EFR3B: variants seen among roughly 807,000 people sequenced by gnomAD.
EFR3B encodes EFR3 homolog B, also known as protein EFR3 homolog B.
A neutral mutation model predicts 104.7 loss-of-function variants in EFR3B; 64 were observed. The observed-to-expected ratio is 0.61, with a 90% CI of 0.50 to 0.75. The LOEUF (loss-of-function observed/expected upper bound fraction) is 0.75. Among genes scored for constraint, EFR3B ranks in the 30% least tolerant of loss-of-function variants. The pLI is 0.00. For synonymous variants in EFR3B, 385 were observed against 417.9 expected (o/e 0.92, Z 0.96); for missense variants, 750 against 1,078.5 (o/e 0.70, Z 4.27).
At chr2:25,105,901 C>T (rs775745894) in intron 4 of EFR3B, among the ~76,000 whole-genome samples, 1 of 152,140 alleles carries the variant, frequency 6.6e-6, no homozygotes, top group Non-Finnish European at 1.5e-5. Context: ...ATCGCATCAG[C>T]CAGAGAGCAA....
intron 1 of EFR3B, among the ~76,000 whole-genome samples, chr2:25,087,461 C>T (rs1289921837): frequency 2.0e-5 from 3 of 150,998 alleles, no homozygotes; most frequent in Admixed American, 6.6e-5. Flanking sequence ...ATTCTTTTGA[C>T]GGCGCCTTTT....
At chr2:25,068,313 T>A (rs1668392379) in intron 1 of EFR3B, among the ~76,000 whole-genome samples, 1 of 152,174 alleles carries the variant, frequency 6.6e-6, no homozygotes, top group African/African-American at 2.4e-5. Flanking sequence ...GAGCTGAAAC[T>A]TAGATTTTAT....
At chr2:25,108,449 AGT>A (rs1383660080) in intron 4 of EFR3B, among the ~76,000 whole-genome samples, 2 of 152,232 alleles carry the variant, frequency 1.3e-5, no homozygotes, top group Non-Finnish European at 2.9e-5. Flanking sequence ...ATATTAGCCT[AGT>A]GTATACAAAC....
rs1038355700 is a variant in EFR3B, at chr2:25,103,797, G to A, written c.363+10G>A. The A allele has an allele frequency of 4.5e-6, 7 of 1,550,734 alleles. No individual in the cohort carries two copies. The highest frequency in any genetic ancestry group is 2.7e-5 in the African/African-American group (2 of 73,074). On this transcript the variant is annotated intron_variant, in intron 4 of 22. Transcript: ENST00000403714. ...CCTCGGCACCAACTCGGTAAGGAGC[G>A]GCCCAGGGGGCTCCAGGTCTCCCAG...
intron 1 of EFR3B, among the ~76,000 whole-genome samples, chr2:25,044,087 A>T (rs1477733330): frequency 1.3e-5 from 2 of 152,224 alleles, no homozygotes; most frequent in African/African-American, 4.8e-5. Context: ...ATTTTCAGAC[A>T]CATCTCAGGT....
intron 1 of EFR3B, chr2:25,081,224 T>G: frequency 4.1e-6 from 4 of 968,226 alleles, no homozygotes; most frequent in Non-Finnish European, 6.5e-6. Context: ...TTGCTTCTTC[T>G]GGAGAGAAAA....
chr2:25,149,141 G>A (rs1310738127), intron 19 of EFR3B, among the ~76,000 whole-genome samples: 1 of 151,902 alleles, frequency 6.6e-6, no homozygotes, highest in South Asian at 2.1e-4. Context: ...ATGAGTTCAG[G>A]AGTTCGGGAC....
At chr2:25,124,277 AGTGTGTGT>A (rs5829961) in intron 5 of EFR3B, among the ~76,000 whole-genome samples, 6,464 of 124,660 alleles carry the variant, frequency 0.052, 186 homozygotes, top group African/African-American at 0.078. Context: ...TGTGCATGCA[AGTGTGTGT>A]GTGTGTGTGT....
intron 1 of EFR3B, among the ~76,000 whole-genome samples, chr2:25,052,304 G>A (rs934446515): frequency 1.3e-5 from 2 of 151,942 alleles, no homozygotes; most frequent in African/African-American, 4.8e-5. Context: ...CATCTTTAGG[G>A]CACAGAACAC....
chr2:25,134,724 T>C (rs1670474447), intron 12 of EFR3B, among the ~76,000 whole-genome samples: 1 of 152,208 alleles, frequency 6.6e-6, no homozygotes, highest in Non-Finnish European at 1.5e-5. Flanking sequence ...CCTCATTTAG[T>C]TATCACCTTG....
At chr2:25,146,651 T>G (rs772749618) in intron 19 of EFR3B, 1 of 152,240 alleles carries the variant, frequency 6.6e-6, no homozygotes, top group African/African-American at 2.4e-5. Flanking sequence ...AGCCACCTCC[T>G]CACTAGTGGC....
chr2:25,134,596 C>G (rs534877892), intron 12 of EFR3B, among the ~76,000 whole-genome samples: 1 of 152,272 alleles, frequency 6.6e-6, no homozygotes, highest in Non-Finnish European at 1.5e-5. Flanking sequence ...TCTGGCCATG[C>G]CAATCTAAAC....
chr2:25,110,793 A>G (rs1005091474), intron 4 of EFR3B, among the ~76,000 whole-genome samples: 1 of 152,248 alleles, frequency 6.6e-6, no homozygotes, highest in African/African-American at 2.4e-5. Flanking sequence ...TATGTCGTCT[A>G]AATCCAGATT....
chr2:25,093,260 C>T, intron 3 of EFR3B, 130 bp downstream of exon 3: 1 of 1,259,556 alleles, frequency 7.9e-7, no homozygotes, highest in Non-Finnish European at 1.1e-6. Context: ...TTTGGGAGGT[C>T]AAGGTGGGAG....
At chr2:25,128,358 C>A in intron 6 of EFR3B, 26 bp downstream of exon 6, 2 of 1,551,170 alleles carry the variant, frequency 1.3e-6, no homozygotes, top group Non-Finnish European at 1.7e-6. Flanking sequence ...TGGGGCAGGA[C>A]AGTAGATATA....
At chr2:25,093,309 T>C (rs1181495496) in intron 3 of EFR3B, among the ~76,000 whole-genome samples, 179 bp downstream of exon 3, 1 of 151,978 alleles carries the variant, frequency 6.6e-6, no homozygotes, top group Non-Finnish European at 1.5e-5. Flanking sequence ...ACCTGGGCAA[T>C]GTAGTGAGAT....
chr2:25,136,557 G>T lies in EFR3B; in HGVS notation c.1519G>T (p.Val507Leu). The part of the protein sequence containing the change: ...LSDISVLKLK[V>L]DKCSRQDTVF... ...TGACATCTCTGTCCTGAAGCTGAAA[G>T]TGGACAAGTGCTCTCGACAGGACAC... The change falls in exon 14 of 23, where the codon GTG (valine) becomes TTG (leucine). Residue 507 changes from valine to leucine, a missense_variant. Transcript: ENST00000403714. The surrounding 1 kb of genome is among the most constrained non-coding windows in gnomAD (Gnocchi z 4.0). 1 of 1,551,504 alleles carries T rather than the reference G, an allele frequency of 6.4e-7. No homozygotes were observed. The highest frequency in any genetic ancestry group is 8.7e-7 in the Non-Finnish European group (1 of 1,146,912).
intron 1 of EFR3B, among the ~76,000 whole-genome samples, chr2:25,073,228 G>C (rs1477428012): frequency 6.6e-6 from 1 of 152,164 alleles, no homozygotes; most frequent in Non-Finnish European, 1.5e-5. Flanking sequence ...CACAGACAAA[G>C]AAACCCACAG....
At chr2:25,128,416 A>C (rs1391730723) in intron 6 of EFR3B, 84 bp downstream of exon 6, 1 of 1,506,318 alleles carries the variant, frequency 6.6e-7, no homozygotes, top group Non-Finnish European at 9.0e-7. Flanking sequence ...TGGGTTGGTC[A>C]GTAAAACTCA....
Sources: gnomAD v4.1 joint callset for allele counts (sites outside exome capture counted in the v4.1 genomes callset) on GRCh38, gnomAD v4.1.1 for gene constraint, Gnocchi (gnomAD v3.1) non-coding constraint, MANE v1.5 for transcripts, NCBI Gene and HGNC (gene_info 2026-07-23, HGNC 2026-07-21) for gene names.